PPCDC: variants seen among roughly 807,000 people sequenced by gnomAD.
PPCDC encodes phosphopantothenoylcysteine decarboxylase.
PPCDC carries 20 observed loss-of-function variants against 20.7 expected under a neutral mutation model. That is an observed-to-expected ratio of 0.97 (90% CI 0.68 to 1.41). The LOEUF (loss-of-function observed/expected upper bound fraction) is 1.41. Ranked by LOEUF, PPCDC falls within the 40% of genes most tolerant of loss-of-function variation. The probability of loss-of-function intolerance (pLI) is 0.00; values close to 1 mark genes in which losing one functional copy is unlikely to be tolerated. For missense variants in PPCDC, 246 were observed against 263.8 expected, an observed-to-expected ratio of 0.93 and a Z score of 0.47; for synonymous variants, 88 against 100.3, an observed-to-expected ratio of 0.88 and a Z score of 0.73.
chr15:75,026,111 T>C (rs1199830142), intron 1 of PPCDC, among the ~76,000 whole-genome samples: 4 of 152,156 alleles, frequency 2.6e-5, no homozygotes, highest in African/African-American at 9.7e-5. Flanking sequence ...GTAACCTGTT[T>C]CCTAGGAATG....
chr15:75,044,548 G>A (rs1238035282), intron 4 of PPCDC, 34 bp downstream of exon 4: 1 of 1,603,268 alleles, frequency 6.2e-7, no homozygotes, highest in Non-Finnish European at 8.5e-7. Context: ...GTCCGTCCCT[G>A]GGCCTCACAC....
chr15:75,049,046 C>T (rs2066278579), intron 5 of PPCDC, 104 bp from the exon 6 acceptor site: 1 of 1,135,468 alleles, frequency 8.8e-7, no homozygotes, highest in East Asian at 2.4e-5. Context: ...ACCTTGCCCT[C>T]TCAGGCCTTG....
intron 1 of PPCDC, among the ~76,000 whole-genome samples, chr15:75,024,740 A>T (rs2065942387): frequency 6.6e-6 from 1 of 150,580 alleles, no homozygotes; most frequent in South Asian, 2.1e-4. Context: ...TGGTGCAATC[A>T]TAGCTCACTG....
intron 1 of PPCDC, among the ~76,000 whole-genome samples, chr15:75,023,957 G>A (rs151053557): frequency 2.6e-5 from 4 of 152,280 alleles, no homozygotes; most frequent in Non-Finnish European, 5.9e-5. Flanking sequence ...TTTAAATGAT[G>A]GCCGTGTCAG....
chr15:75,044,471 A>G lies in PPCDC; in HGVS notation c.317A>G (p.Asn106Ser). The G allele has an allele frequency of 1.9e-6, 3 of 1,614,140 alleles. No individual in the cohort carries two copies. Among genetic ancestry groups the G allele is most frequent in the Middle Eastern group, 3.3e-4 (2 of 6,062 alleles). Reference protein sequence around the residue: ...DLLLVAPLDANTLGKVASGIC... With the variant: ...DLLLVAPLDASTLGKVASGIC... The stretch of plus-strand genomic sequence containing the variant: ...CTGCTGGTGGCTCCTCTTGATGCCA[A>G]CACTCTGGGGAAGGTGGCCAGTGGC... Residue 106 changes from asparagine (N) to serine (S), a missense_variant, in exon 4 of 6, where the codon AAC (asparagine) becomes AGC (serine). This residue lies in a region of PPCDC where 225 missense variants were observed against 222.6 expected (regional missense o/e 1.01). Coordinates refer to ENST00000342932, the MANE Select transcript of PPCDC (RefSeq NM_021823.5).
At chr15:75,042,836 C>T (rs1442104467) in intron 2 of PPCDC, among the ~76,000 whole-genome samples, 2 of 152,152 alleles carry the variant, frequency 1.3e-5, no homozygotes, top group Non-Finnish European at 2.9e-5. Context: ...CTCATTCTCA[C>T]CCCATGAGTG....
Position 75,028,287 on chromosome 15 carries a change from G to T in PPCDC, c.-32G>T, listed in dbSNP as rs200954543. On this transcript the variant is annotated 5_prime_UTR_variant, in exon 2 of 6. The change creates a new upstream start codon in the 5' untranslated region. Transcript: ENST00000342932. ...AGCTTTATAGAGCCCAGGCCTGGCA[G>T]GCTCCCAGAACTTGAAGCCACCAGA... 1.9e-3 allele frequency: 3,114 copies of T among 1,610,090 alleles called. 4 individuals carry two copies. The highest frequency in any genetic ancestry group is 2.5e-3 in the Non-Finnish European group (2,913 of 1,178,832).
At chr15:75,028,499 G>A (rs751831702) in intron 2 of PPCDC, 46 bp downstream of exon 2, 1 of 1,611,632 alleles carries the variant, frequency 6.2e-7, no homozygotes, top group African/African-American at 1.3e-5. Context: ...GGCATGGGAG[G>A]CCGGTGCTCC....
chr15:75,041,372 G>C (rs1288859217), intron 2 of PPCDC, among the ~76,000 whole-genome samples: 1 of 152,230 alleles, frequency 6.6e-6, no homozygotes, highest in East Asian at 1.9e-4. Context: ...GTTCATGCTT[G>C]TAATCCTAGC....
At chr15:75,028,527 T>C in intron 2 of PPCDC, 74 bp downstream of exon 2, 1 of 1,572,660 alleles carries the variant, frequency 6.4e-7, no homozygotes, top group Non-Finnish European at 8.7e-7. Context: ...GGCCCATTGC[T>C]CTGCAGTACA....
chr15:75,049,341 G>T lies in PPCDC; in HGVS notation c.*106G>T. 9.2e-7 allele frequency: 1 copy of T among 1,092,752 alleles called. No individual in the cohort carries two copies. Among genetic ancestry groups the T allele is most frequent in the Non-Finnish European group, 1.4e-6 (1 of 739,110 alleles). 67.7% of individuals were successfully genotyped at this position (1,092,752 alleles called of 1,614,324 possible). ...AGGAGGATACCCTCATTTGCTGAAT[G>T]GGGGACCTGCTCTGAGCCTGCCCAG... On this transcript the variant is annotated 3_prime_UTR_variant, in exon 6 of 6. Coordinates refer to ENST00000342932, the MANE Select transcript of PPCDC (RefSeq NM_021823.5).
intron 2 of PPCDC, among the ~76,000 whole-genome samples, chr15:75,036,298 G>A (rs927135656): frequency 7.9e-5 from 12 of 152,158 alleles, no homozygotes; most frequent in African/African-American, 2.7e-4. Flanking sequence ...CCAGCCCTTG[G>A]CTCCCAGGAC....
intron 2 of PPCDC, among the ~76,000 whole-genome samples, chr15:75,031,025 C>T (rs955275918): frequency 6.6e-6 from 1 of 152,140 alleles, no homozygotes; most frequent in Non-Finnish European, 1.5e-5. Flanking sequence ...GCAACCGTGT[C>T]ACAAGAGAGG....
chr15:75,043,412 C>G (rs75383327), intron 2 of PPCDC, 29 bp from the exon 3 acceptor site: 84,967 of 1,580,598 alleles, frequency 0.054, 3,040 homozygotes, highest in Admixed American at 0.15. Flanking sequence ...CTTCCTCCCT[C>G]CCCGCCACCC....
At chr15:75,045,056 G>A (rs74391271) in intron 4 of PPCDC, 2,084 of 156,286 alleles carry the variant, frequency 0.013, 41 homozygotes, top group African/African-American at 0.047. Flanking sequence ...ATGGGTGGTA[G>A]GGAGAAATGG....
intron 3 of PPCDC, among the ~76,000 whole-genome samples, 159 bp from the exon 4 acceptor site, chr15:75,044,227 A>G (rs559428588): frequency 3.6e-4 from 55 of 150,992 alleles, no homozygotes; most frequent in African/African-American, 1.3e-3. Context: ...TGCTGGCTCC[A>G]TGGCTAGCGC....
intron 2 of PPCDC, among the ~76,000 whole-genome samples, chr15:75,036,276 T>G (rs941762094): frequency 2.6e-5 from 4 of 152,232 alleles, no homozygotes; most frequent in Admixed American, 2.0e-4. Context: ...TTTATTTTAA[T>G]GTGTACAGGG....
In PPCDC at chr15:75,028,443, A is replaced by T; in HGVS notation, c.125A>T (p.Asp42Val). The T allele has an allele frequency of 1.2e-6, 2 of 1,614,184 alleles. No homozygotes were observed. Among genetic ancestry groups the T allele is most frequent in the Non-Finnish European group, 1.7e-6 (2 of 1,180,026 alleles). Residue 42 changes from aspartate to valine, a missense_variant, in exon 2 of 6, where the codon GAC becomes GTC. Around this residue, in one of 2 missense-constraint regions of PPCDC, gnomAD observed 225 missense variants for 222.6 expected, o/e 1.01. Transcript: ENST00000342932. ...KLPLLVSKLL[D>V]IPGLEVAVVT... ...CCTCTTCTGGTGTCAAAGCTTTTGG[A>T]CATTCCTGGGGTGAGTATCCTCACC...
At chr15:75,031,138 C>G (rs2066015759) in intron 2 of PPCDC, among the ~76,000 whole-genome samples, 1 of 152,120 alleles carries the variant, frequency 6.6e-6, no homozygotes, top group Admixed American at 6.5e-5. Flanking sequence ...CTCAAATGAT[C>G]CATCTCCAGG....
Sources: allele counts gnomAD v4.1 joint callset (sites outside exome capture counted in the v4.1 genomes callset), GRCh38; gene constraint gnomAD v4.1.1; regional missense constraint gnomAD v4.1.1; transcripts MANE v1.5; gene names NCBI Gene and HGNC (gene_info 2026-07-23, HGNC 2026-07-21).